The following RBFOX1 variants were observed in gnomAD, a reference collection of about 807,000 sequenced individuals.
RBFOX1 encodes the protein RNA binding protein fox-1 homolog 1.
RBFOX1 carries 8 observed loss-of-function variants against 57.7 expected under a neutral mutation model. That is an observed-to-expected ratio of 0.14 (90% confidence interval 0.08 to 0.25). The LOEUF is 0.25. Among genes scored for constraint, RBFOX1 ranks in the 10% least tolerant of loss-of-function variants. The pLI is 1.00. For missense variants in RBFOX1, 611 were observed against 548.5 expected (o/e 1.11, Z -1.14); for synonymous variants, 326 against 222.4 (o/e 1.47, Z -4.15).
chr16:5,605,181 A>T (rs2047525877), intron 3 of RBFOX1, among the ~76,000 whole-genome samples: 1 of 152,188 alleles, frequency 6.6e-6, no homozygotes, highest in Non-Finnish European at 1.5e-5. Flanking sequence ...GTGCAGCAGA[A>T]TGTTGAAGAA....
At chr16:6,305,829 G>A (rs1484102225) in intron 1 of RBFOX1, among the ~76,000 whole-genome samples, 2 of 151,966 alleles carry the variant, frequency 1.3e-5, no homozygotes, top group Non-Finnish European at 2.9e-5. Flanking sequence ...TGACTTCCAA[G>A]TTCAAAGCTC....
At chr16:6,542,432 G>T (rs1407312937) in intron 2 of RBFOX1, among the ~76,000 whole-genome samples, 2 of 148,680 alleles carry the variant, frequency 1.3e-5, no homozygotes, top group Non-Finnish European at 3.0e-5. Context: ...AGCTAAGAAA[G>T]GTGTCTCAGT....
intron 13 of RBFOX1, among the ~76,000 whole-genome samples, chr16:7,675,412 A>G (rs577313218): frequency 3.3e-5 from 5 of 151,900 alleles, no homozygotes; most frequent in Non-Finnish European, 5.9e-5. Flanking sequence ...GGGAAACAAA[A>G]AAAAAAAAAA....
chr16:7,148,943 C>T (rs935363117), intron 4 of RBFOX1, among the ~76,000 whole-genome samples: 1 of 152,236 alleles, frequency 6.6e-6, no homozygotes, highest in South Asian at 2.1e-4. Context: ...TGATGCATTT[C>T]ATTTCAAGAA....
intron 1 of RBFOX1, among the ~76,000 whole-genome samples, chr16:6,178,637 C>T (rs1269237743): frequency 6.6e-6 from 1 of 152,000 alleles, no homozygotes; most frequent in Non-Finnish European, 1.5e-5. Flanking sequence ...TGTATTAATC[C>T]CTTGGTTATT....
intron 4 of RBFOX1, among the ~76,000 whole-genome samples, chr16:6,013,838 C>A (rs1237799175): frequency 1.3e-5 from 2 of 151,890 alleles, no homozygotes; most frequent in African/African-American, 4.8e-5. Context: ...TGGAAACCAT[C>A]ATTCTCAGCA....
At chr16:6,310,260 A>G (rs2080090754) in intron 1 of RBFOX1, among the ~76,000 whole-genome samples, 1 of 152,334 alleles carries the variant, frequency 6.6e-6, no homozygotes, top group Admixed American at 6.5e-5. Context: ...CATCAGTAAG[A>G]GAAGAGCCTC....
At chr16:6,697,932 T>C (rs2061296722) in intron 3 of RBFOX1, among the ~76,000 whole-genome samples, 2 of 152,144 alleles carry the variant, frequency 1.3e-5, no homozygotes, top group Non-Finnish European at 2.9e-5. Context: ...TTTTAAAACA[T>C]CTGTTCTATT....
intron 4 of RBFOX1, among the ~76,000 whole-genome samples, chr16:7,145,097 C>A (rs542258834): frequency 6.6e-6 from 1 of 152,224 alleles, no homozygotes; most frequent in Admixed American, 6.5e-5. Flanking sequence ...ACAGTGATCC[C>A]TTTCCAGACA....
At chr16:7,174,915 C>CTA (rs1439616720) in intron 4 of RBFOX1, among the ~76,000 whole-genome samples, 1 of 152,210 alleles carries the variant, frequency 6.6e-6, no homozygotes, top group East Asian at 1.9e-4. Context: ...TATTACTTAT[C>CTA]TATCTTTCAA....
rs561625504 is a variant in RBFOX1 at position 5,398,545 on chromosome 16, C to T, written c.220-68671C>T. ...GCATGTGTGTGAATGTTTACATGCA[C>T]GAGTTCGTGTGTGCATCTGTACGTG... On this transcript the variant is annotated intron_variant, in intron 1 of 2. Coordinates refer to the RBFOX1 transcript ENST00000585867. 9.9e-5 allele frequency among the ~76,000 whole-genome samples: 15 copies of T among 151,442 alleles called. No homozygotes were observed. The South Asian group carries it at 2.1e-3, about 21-fold the overall frequency.
At chr16:6,697,227 G>A (rs577908815) in intron 3 of RBFOX1, among the ~76,000 whole-genome samples, 2 of 152,228 alleles carry the variant, frequency 1.3e-5, no homozygotes, top group African/African-American at 2.4e-5. Flanking sequence ...CACTGTAGTG[G>A]TAGCTGCAGT....
intron 1 of RBFOX1, among the ~76,000 whole-genome samples, chr16:5,410,105 T>G (rs2066978882): frequency 1.3e-5 from 2 of 151,042 alleles, no homozygotes. Flanking sequence ...GGCTCATGCC[T>G]GTAATGCCTG....
chr16:5,755,062 G>A (rs1322419450), intron 3 of RBFOX1, among the ~76,000 whole-genome samples: 1 of 45,614 alleles, frequency 2.2e-5, no homozygotes, highest in African/African-American at 9.6e-5. Flanking sequence ...GCGGCCTTCC[G>A]CAGTTTTTGT....
chr16:7,676,570 C>A (rs923553804), intron 13 of RBFOX1, among the ~76,000 whole-genome samples: 1 of 152,150 alleles, frequency 6.6e-6, no homozygotes, highest in African/African-American at 2.4e-5. Context: ...TGACCGCTAA[C>A]CTTTAACATC....
At chr16:6,440,630 G>C (rs2094356534) in intron 2 of RBFOX1, among the ~76,000 whole-genome samples, 1 of 151,980 alleles carries the variant, frequency 6.6e-6, no homozygotes. Flanking sequence ...GTGAAAACCT[G>C]TCTTTACTAA....
At chr16:7,303,865 G>A (rs1052526493) in intron 4 of RBFOX1, among the ~76,000 whole-genome samples, 5 of 118,296 alleles carry the variant, frequency 4.2e-5, no homozygotes, top group African/African-American at 1.6e-4. Context: ...CCTCCCTCTC[G>A]CTATCCTTGC....
chr16:6,703,556 T>TA (rs1314226459), intron 3 of RBFOX1, among the ~76,000 whole-genome samples: 3 of 151,434 alleles, frequency 2.0e-5, no homozygotes, highest in Admixed American at 1.3e-4. Context: ...AAAATAAAAA[T>TA]AAAAAAAGCC....
chr16:5,814,236 C>A (rs1291201940), intron 3 of RBFOX1, among the ~76,000 whole-genome samples: 1 of 152,118 alleles, frequency 6.6e-6, no homozygotes, highest in African/African-American at 2.4e-5. Context: ...AGCTGAAGTG[C>A]CTTTGGGAAA....
Sources: gnomAD v4.1 joint callset for allele counts (sites outside exome capture counted in the v4.1 genomes callset) on GRCh38, gnomAD v4.1.1 for gene constraint, MANE v1.5 for transcripts, NCBI Gene and HGNC (gene_info 2026-07-23, HGNC 2026-07-21) for gene names.